CACNA2D3: variants seen among roughly 807,000 people sequenced by gnomAD.
The protein encoded by CACNA2D3 is voltage-dependent calcium channel subunit alpha-2/delta-3.
CACNA2D3 carries 60 observed loss-of-function variants against 160.6 expected under a neutral mutation model. The ratio of observed to expected loss-of-function variants is 0.37; its 90% CI spans 0.30 to 0.46. The LOEUF (loss-of-function observed/expected upper bound fraction) is 0.46. Among genes scored for constraint, CACNA2D3 ranks in the 20% least tolerant of loss-of-function variants. The probability of loss-of-function intolerance (pLI) is 1.00; values close to 1 mark genes in which losing one functional copy is unlikely to be tolerated. For synonymous variants in CACNA2D3, 558 were observed against 492.9 expected, an observed-to-expected ratio of 1.13 and a Z score of -1.75; for missense variants, 1,205 against 1,365.0, an observed-to-expected ratio of 0.88 and a Z score of 1.85.
intron 11 of CACNA2D3, among the ~76,000 whole-genome samples, chr3:54,665,968 A>AT (rs958023489): frequency 2.0e-5 from 3 of 151,902 alleles, no homozygotes; most frequent in Non-Finnish European, 4.4e-5. Flanking sequence ...TGCCCAGCTA[A>AT]TTTTTTTGTA....
chr3:55,057,041 G>T (rs1704377602), intron 35 of CACNA2D3, among the ~76,000 whole-genome samples: 1 of 152,086 alleles, frequency 6.6e-6, no homozygotes, highest in Non-Finnish European at 1.5e-5. Context: ...TTGAATTGTA[G>T]CTCCCATAAT....
At chr3:54,940,949 A>G (rs192634290) in intron 27 of CACNA2D3, among the ~76,000 whole-genome samples, 395 of 152,338 alleles carry the variant, frequency 2.6e-3, no homozygotes, top group African/African-American at 9.0e-3. Context: ...TAACAAGACT[A>G]ACTTTGTCAT....
rs190816320 is a variant in CACNA2D3, at chr3:54,599,467, C to T, written c.963+17590C>T. Among the ~76,000 whole-genome samples, 117 of 152,304 alleles carry T rather than the reference C, an allele frequency of 7.7e-4. 1 individual carries two copies. The highest frequency in any genetic ancestry group is 1.7e-3 in the African/African-American group (70 of 41,570). ...CAGGCCCTTTATTGGACAGTGACCT[C>T]AGGTGTAACACATTAACCCACATGC... On this transcript the variant is annotated intron_variant, in intron 9 of 37. Coordinates refer to ENST00000474759, the MANE Select transcript of CACNA2D3 (RefSeq NM_018398.3).
chr3:54,671,922 G>A (rs1700171315), intron 11 of CACNA2D3, among the ~76,000 whole-genome samples: 1 of 152,198 alleles, frequency 6.6e-6, no homozygotes, highest in South Asian at 2.1e-4. Flanking sequence ...GAGACTTGAT[G>A]GGGTCACAAA....
intron 13 of CACNA2D3, among the ~76,000 whole-genome samples, chr3:54,795,204 G>A (rs1243019535): frequency 1.3e-5 from 2 of 151,912 alleles, no homozygotes; most frequent in Non-Finnish European, 2.9e-5. Flanking sequence ...AAAATTTTAA[G>A]TATTGTATTT....
At chr3:54,795,795 A>G (rs530092078) in intron 13 of CACNA2D3, among the ~76,000 whole-genome samples, 6 of 152,214 alleles carry the variant, frequency 3.9e-5, no homozygotes, top group Admixed American at 2.0e-4. Context: ...CTCCCATTGA[A>G]TTGTAAACAC....
intron 26 of CACNA2D3, among the ~76,000 whole-genome samples, chr3:54,897,476 A>T (rs1257130711): frequency 6.6e-6 from 1 of 152,182 alleles, no homozygotes; most frequent in Non-Finnish European, 1.5e-5. Flanking sequence ...AGCAAAACAT[A>T]CTGGAAATGC....
At chr3:54,381,494 A>G (rs536773941) in intron 3 of CACNA2D3, among the ~76,000 whole-genome samples, 1 of 152,340 alleles carries the variant, frequency 6.6e-6, no homozygotes, top group East Asian at 1.9e-4. Flanking sequence ...CATAAAATAC[A>G]TGAAGACAAA....
chr3:54,774,139 TG>T (rs1245682232), intron 13 of CACNA2D3, among the ~76,000 whole-genome samples: 1 of 152,196 alleles, frequency 6.6e-6, no homozygotes, highest in African/African-American at 2.4e-5. Flanking sequence ...TGATGACTCT[TG>T]GAACCAGGAT....
intron 17 of CACNA2D3, among the ~76,000 whole-genome samples, chr3:54,867,330 A>G (rs1023279664): frequency 5.9e-5 from 9 of 152,308 alleles, no homozygotes; most frequent in South Asian, 4.2e-4. Flanking sequence ...CCCAGACGCA[A>G]TCGTGTATCT....
At chr3:54,192,418 A>G (rs1701000593) in intron 2 of CACNA2D3, among the ~76,000 whole-genome samples, 1 of 152,186 alleles carries the variant, frequency 6.6e-6, no homozygotes, top group African/African-American at 2.4e-5. Context: ...GAGTGGTGTG[A>G]CATGCACAGT....
At chr3:54,288,881 C>G (rs1349023276) in intron 2 of CACNA2D3, among the ~76,000 whole-genome samples, 1 of 152,142 alleles carries the variant, frequency 6.6e-6, no homozygotes, top group Non-Finnish European at 1.5e-5. Context: ...AACCTTCATG[C>G]TAAAAACTCA....
chr3:55,056,121 C>T (rs915037132), intron 35 of CACNA2D3, among the ~76,000 whole-genome samples: 1 of 152,004 alleles, frequency 6.6e-6, no homozygotes, highest in African/African-American at 2.4e-5. Flanking sequence ...AAAACAAAAA[C>T]CCCAGTTAAA....
rs1019845038 is a variant in CACNA2D3 at position 54,419,601 on chromosome 3, G to A, written c.381+32827G>A. On this transcript the variant is annotated intron_variant, in intron 4 of 37. Transcript: ENST00000474759. ...ATTCTATACTTCTTTTTGGCTCTGT[G>A]TGCCAACTTTTTCTGGGACCTCCTG... is the stretch of plus-strand genomic sequence containing the variant. 2.0e-4 allele frequency among the ~76,000 whole-genome samples: 30 copies of A among 151,846 alleles called. 1 individual carries two copies. Among genetic ancestry groups the A allele is most frequent in the South Asian group, 4.2e-4 (2 of 4,810 alleles).
intron 29 of CACNA2D3, among the ~76,000 whole-genome samples, chr3:54,981,111 G>A (rs1190564994): frequency 6.6e-6 from 1 of 152,212 alleles, no homozygotes; most frequent in East Asian, 1.9e-4. Flanking sequence ...ATGGTGAAAA[G>A]AGAAAGCACA....
chr3:54,847,148 C>T (rs1575508919), intron 17 of CACNA2D3, among the ~76,000 whole-genome samples: 1 of 152,246 alleles, frequency 6.6e-6, no homozygotes, highest in Non-Finnish European at 1.5e-5. Flanking sequence ...CATCCCTGGG[C>T]AAGGCTGCCC....
At chr3:55,030,066 T>G (rs562236557) in intron 35 of CACNA2D3, among the ~76,000 whole-genome samples, 40 of 152,296 alleles carry the variant, frequency 2.6e-4, no homozygotes, top group African/African-American at 8.9e-4. Context: ...TCATCTTATT[T>G]TTCCCCAAGT....
In CACNA2D3 at chr3:54,127,650, G is replaced by A. The variant is rs950815210; in HGVS notation, c.204+4056G>A. On this transcript the variant is annotated intron_variant, in intron 2 of 37. Coordinates refer to ENST00000474759, the MANE Select transcript of CACNA2D3 (RefSeq NM_018398.3). ...ATAAATGCGTTCAACCTATGCTGCG[G>A]ATGCTTTAATTCATAGCATTACTTT... 8.5e-5 allele frequency among the ~76,000 whole-genome samples: 13 copies of A among 152,320 alleles called. No homozygotes were observed. In the South Asian group the frequency reaches 2.1e-3, roughly 24 times the overall value.
rs77097851 is a variant in CACNA2D3 at position 54,313,211 on chromosome 3, T to G, written c.205-7231T>G. On this transcript the variant is annotated intron_variant, in intron 2 of 37. Transcript: ENST00000474759. The stretch of plus-strand genomic sequence containing the variant: ...CCCTGAGGCTCAGGAGGTTAATGGC[T>G]TCCTTAAAGTGACCCAGCCAGCTGG... 8.3e-3 allele frequency among the ~76,000 whole-genome samples: 1,260 copies of G among 152,164 alleles called. 18 individuals are homozygous for G. The highest frequency in any genetic ancestry group is 0.029 in the African/African-American group (1,204 of 41,516).
Sources: gnomAD v4.1 joint callset for allele counts (sites outside exome capture counted in the v4.1 genomes callset) on GRCh38, gnomAD v4.1.1 for gene constraint, MANE v1.5 for transcripts, NCBI Gene and HGNC (gene_info 2026-07-23, HGNC 2026-07-21) for gene names.